Variants in NFX1 observed in about 807,000 individuals in gnomAD.
The protein encoded by NFX1 is transcriptional repressor NF-X1.
Under a neutral mutation model 137.2 loss-of-function variants are expected in NFX1, and 69 were observed. The ratio of observed to expected loss-of-function variants is 0.50; its 90% CI spans 0.41 to 0.61. The LOEUF (loss-of-function observed/expected upper bound fraction) is 0.61. Ranked by LOEUF, NFX1 falls within the 20% of genes least tolerant of loss-of-function variation. The pLI, the probability that NFX1 is intolerant of heterozygous loss-of-function variation, is 0.00. For missense variants in NFX1, 1,167 were observed against 1,391.0 expected, an observed-to-expected ratio of 0.84 and a Z score of 2.56; for synonymous variants, 495 against 474.1, an observed-to-expected ratio of 1.04 and a Z score of -0.57.
chr9:33,318,649 G>C, intron 7 of NFX1, 82 bp from the exon 8 acceptor site: 1 of 1,330,788 alleles, frequency 7.5e-7, no homozygotes, highest in African/African-American at 1.5e-5. Context: ...CCCGCATTTT[G>C]TATTTTCTTA....
At chr9:33,360,229 G>T (rs1050937240) in intron 19 of NFX1, among the ~76,000 whole-genome samples, 1 of 152,202 alleles carries the variant, frequency 6.6e-6, no homozygotes, top group Non-Finnish European at 1.5e-5. Context: ...CAGAGCTCTG[G>T]AGTCAGATTG....
intron 2 of NFX1, among the ~76,000 whole-genome samples, chr9:33,300,309 C>G (rs1034082508): frequency 6.6e-6 from 1 of 151,872 alleles, no homozygotes; most frequent in African/African-American, 2.4e-5. Context: ...ATGATCTGCC[C>G]GCCTTGGCCT....
intron 3 of NFX1, among the ~76,000 whole-genome samples, chr9:33,302,869 C>T (rs1821622832): frequency 6.6e-6 from 1 of 151,410 alleles, no homozygotes; most frequent in Non-Finnish European, 1.5e-5. Context: ...GATGTTTCAT[C>T]ATGTTAGCCA....
intron 10 of NFX1, among the ~76,000 whole-genome samples, chr9:33,330,457 A>G (rs1474605506): frequency 6.6e-6 from 1 of 152,242 alleles, no homozygotes; most frequent in Non-Finnish European, 1.5e-5. Flanking sequence ...ATTACAATAT[A>G]CATAGGATAA....
chr9:33,291,129 TA>T (rs1821145217), intron 1 of NFX1, among the ~76,000 whole-genome samples: 1 of 152,230 alleles, frequency 6.6e-6, no homozygotes, highest in Non-Finnish European at 1.5e-5. Flanking sequence ...GTACTGTACC[TA>T]TTCTGTAATT....
intron 9 of NFX1, among the ~76,000 whole-genome samples, chr9:33,327,748 AAG>A (rs1448478917): frequency 6.6e-6 from 1 of 152,210 alleles, no homozygotes; most frequent in Non-Finnish European, 1.5e-5. Flanking sequence ...CAGTAGCCAT[AAG>A]AGACCCCAGG....
intron 9 of NFX1, among the ~76,000 whole-genome samples, chr9:33,327,441 T>C (rs1822634957): frequency 6.6e-6 from 1 of 152,250 alleles, no homozygotes. Flanking sequence ...CTTGGCTCAC[T>C]GCAACCTCCG....
intron 16 of NFX1, 132 bp from the exon 17 acceptor site, chr9:33,352,514 C>A (rs1205130399): frequency 3.9e-6 from 3 of 766,578 alleles, no homozygotes; most frequent in Non-Finnish European, 4.6e-6. Context: ...TTAGCTTCTT[C>A]CAGCTTGGAG....
intron 15 of NFX1, 152 bp from the exon 16 acceptor site, chr9:33,351,408 T>G: frequency 1.4e-6 from 1 of 697,308 alleles, no homozygotes; most frequent in Non-Finnish European, 2.4e-6. Context: ...ATCACACTGT[T>G]GCACTCCAGC....
chr9:33,311,705 A>G (rs899803788), intron 6 of NFX1, among the ~76,000 whole-genome samples: 1 of 152,108 alleles, frequency 6.6e-6, no homozygotes, highest in African/African-American at 2.4e-5. Context: ...GGCGCCTGCC[A>G]CCGCACCTGG....
intron 19 of NFX1, among the ~76,000 whole-genome samples, chr9:33,363,574 G>A (rs1017595057): frequency 3.9e-5 from 6 of 152,030 alleles, no homozygotes; most frequent in East Asian, 3.8e-4. Context: ...GTGAGCCACC[G>A]CACCCAGCCA....
At chr9:33,358,247 C>T (rs927285450) in intron 19 of NFX1, among the ~76,000 whole-genome samples, 2 of 151,950 alleles carry the variant, frequency 1.3e-5, no homozygotes, top group African/African-American at 4.8e-5. Context: ...GCCTCAGCGT[C>T]CCAAGTAGCT....
At chr9:33,367,406 G>A in intron 22 of NFX1, 109 bp from the exon 23 acceptor site, 1 of 1,012,382 alleles carries the variant, frequency 9.9e-7, no homozygotes, top group Non-Finnish European at 1.5e-6. Flanking sequence ...ATACCAGAGA[G>A]TGCTCAGTAG....
intron 19 of NFX1, among the ~76,000 whole-genome samples, chr9:33,362,952 C>T (rs376962209): frequency 1.1e-4 from 16 of 151,856 alleles, no homozygotes; most frequent in African/African-American, 3.9e-4. Flanking sequence ...GATCCGCCCG[C>T]CTCGGCCTCC....
rs369822999 is a variant in NFX1, at chr9:33,352,683, T to C, written c.2693T>C (p.Met898Thr). The C allele has an allele frequency of 8.7e-6, 14 of 1,614,116 alleles. No homozygotes were observed. In the African/African-American group the frequency reaches 1.7e-4, roughly 20 times the overall value. ...LQCECGRRKE[M>T]VICSEASSTY... Reference sequence around the variant, plus strand: ...TGTGAATGTGGACGAAGAAAAGAGATGGTGATTTGCTCTGAAGCATCTAGT... The same window carrying C: ...TGTGAATGTGGACGAAGAAAAGAGACGGTGATTTGCTCTGAAGCATCTAGT... The change falls in exon 17 of 24, where the codon ATG becomes ACG. Residue 898 changes from methionine (M) to threonine (T), a missense_variant. This residue lies in a region of NFX1 where 312 missense variants were observed against 312.8 expected (regional missense o/e 1.00). Coordinates refer to ENST00000379540, the MANE Select transcript of NFX1 (RefSeq NM_002504.6).
rs574317488 is a variant in NFX1, at chr9:33,365,636, A to G, written c.3039+862A>G. The G allele has an allele frequency of 3.3e-5, 5 of 152,380 alleles. No homozygotes were observed. The East Asian group carries it at 9.6e-4, about 29-fold the overall frequency. 9.4% of individuals were successfully genotyped at this position (152,380 alleles called of 1,614,324 possible). A position where few individuals can be genotyped will look rare whatever the true frequency, so the allele number is the denominator to read the frequency against. On this transcript the variant is annotated intron_variant, in intron 21 of 23. Coordinates refer to ENST00000379540, the MANE Select transcript of NFX1 (RefSeq NM_002504.6). The stretch of plus-strand genomic sequence containing the variant: ...TAAAAAAGAAAGAAAGAAAAAGAAA[A>G]TAAAGATGCTGGCCAAGTGCCTAAG...
At chr9:33,326,139 G>A (rs1264058792) in intron 9 of NFX1, among the ~76,000 whole-genome samples, 3 of 152,090 alleles carry the variant, frequency 2.0e-5, no homozygotes, top group South Asian at 2.1e-4. Flanking sequence ...GGGGCTAGGC[G>A]CAGTGACTCA....
At chr9:33,338,438 C>G in intron 11 of NFX1, 72 bp from the exon 12 acceptor site, 4 of 1,274,636 alleles carry the variant, frequency 3.1e-6, no homozygotes, top group Non-Finnish European at 4.5e-6. Flanking sequence ...CCTATAGTTA[C>G]TCAAATATTT....
chr9:33,296,214 C>T (rs973080065), intron 2 of NFX1, among the ~76,000 whole-genome samples: 6 of 152,160 alleles, frequency 3.9e-5, no homozygotes, highest in Admixed American at 1.3e-4. Context: ...TGAGCCACTG[C>T]GCCCTGCCTA....
Sources: gnomAD v4.1 joint callset for allele counts (sites outside exome capture counted in the v4.1 genomes callset) on GRCh38, gnomAD v4.1.1 for gene constraint, gnomAD v4.1.1 regional missense constraint, MANE v1.5 for transcripts, NCBI Gene and HGNC (gene_info 2026-07-23, HGNC 2026-07-21) for gene names.